GPD1L: variants seen among roughly 807,000 people sequenced by gnomAD.
The protein encoded by GPD1L is glycerol-3-phosphate dehydrogenase 1-like protein.
In GPD1L, 17 loss-of-function variants were observed where a neutral mutation model predicts 32.9. The observed-to-expected ratio is 0.52, with a 90% CI of 0.35 to 0.78. The LOEUF (loss-of-function observed/expected upper bound fraction) is 0.78, where lower values mean the gene tolerates loss of function less well. GPD1L is among the 30% of genes least tolerant of loss of function. GPD1L has a pLI of 0.01. For missense variants in GPD1L, 361 were observed against 447.8 expected (o/e 0.81, Z 1.75); for synonymous variants, 187 against 165.9 (o/e 1.13, Z -0.98).
chr3:32,121,769 A>G (rs957400714), intron 1 of GPD1L, among the ~76,000 whole-genome samples: 3 of 134,520 alleles, frequency 2.2e-5, no homozygotes, highest in Admixed American at 8.5e-5. Flanking sequence ...ATATATTTCT[A>G]TATATATATA....
intron 3 of GPD1L, 63 bp downstream of exon 3, chr3:32,138,790 A>T: frequency 6.6e-7 from 1 of 1,517,608 alleles, no homozygotes; most frequent in Non-Finnish European, 9.1e-7. Flanking sequence ...ATTTCCTCAC[A>T]CTTTCATCTG....
chr3:32,139,646 GC>G (rs1270290907), intron 3 of GPD1L, among the ~76,000 whole-genome samples: 1 of 152,190 alleles, frequency 6.6e-6, no homozygotes, highest in East Asian at 1.9e-4. Flanking sequence ...GTTCATGAAG[GC>G]AAACCAGAGC....
chr3:32,153,870 G>A (rs1009706655), intron 5 of GPD1L, among the ~76,000 whole-genome samples: 1 of 152,178 alleles, frequency 6.6e-6, no homozygotes, highest in South Asian at 2.1e-4. Context: ...ACTGGAAAGA[G>A]TACACTCAAG....
At chr3:32,158,130 G>T (rs1701020789) in intron 5 of GPD1L, among the ~76,000 whole-genome samples, 1 of 152,194 alleles carries the variant, frequency 6.6e-6, no homozygotes, top group African/African-American at 2.4e-5. Context: ...ATCTACCCCA[G>T]TGCCAGTTGA....
chr3:32,143,609 C>A (rs1700779530), intron 4 of GPD1L, among the ~76,000 whole-genome samples: 1 of 152,020 alleles, frequency 6.6e-6, no homozygotes, highest in African/African-American at 2.4e-5. Flanking sequence ...TTTGGGAGGC[C>A]AAGGTGGGAG....
chr3:32,145,044 T>C (rs912098925), intron 4 of GPD1L, among the ~76,000 whole-genome samples: 5 of 150,326 alleles, frequency 3.3e-5, no homozygotes, highest in Non-Finnish European at 7.4e-5. Flanking sequence ...GCGGGCCGGG[T>C]GCGGTGGCTC....
At chr3:32,129,521 G>A (rs1559573577) in intron 2 of GPD1L, among the ~76,000 whole-genome samples, 1 of 152,178 alleles carries the variant, frequency 6.6e-6, no homozygotes, top group African/African-American at 2.4e-5. Flanking sequence ...TGATTATATA[G>A]TGGAGGAAAC....
At chr3:32,146,203 C>T (rs1446093139) in intron 4 of GPD1L, among the ~76,000 whole-genome samples, 2 of 151,598 alleles carry the variant, frequency 1.3e-5, no homozygotes, top group African/African-American at 4.8e-5. Context: ...GCTCCTGCCT[C>T]AACCTCCTGA....
In GPD1L at chr3:32,106,913, G is replaced by T. The variant is rs1376004123; in HGVS notation, c.47+155G>T. 4.8e-5 allele frequency: 27 copies of T among 561,426 alleles called. No homozygotes were observed. The highest frequency in any genetic ancestry group is 6.9e-5 in the Non-Finnish European group (26 of 374,964). The allele number at this position is 561,426 out of a possible 1,614,324, so 34.8% of individuals were successfully genotyped here. A position where few individuals can be genotyped will look rare whatever the true frequency, so the allele number is the denominator to read the frequency against. ...CTCGTTGCTGGGCTGGGCACCGTGC[G>T]CCCGAGGAGGCCGCACCGGGGCACT... On this transcript the variant is annotated intron_variant, in intron 1 of 7. Transcript: ENST00000282541. The surrounding 1 kb of genome is among the most constrained non-coding windows in gnomAD (Gnocchi z 4.0).
At chr3:32,141,720 A>G (rs887362320) in intron 4 of GPD1L, among the ~76,000 whole-genome samples, 3 of 152,230 alleles carry the variant, frequency 2.0e-5, no homozygotes, top group African/African-American at 7.2e-5. Context: ...GAAAAGTAGA[A>G]CTAAGATTGT....
At chr3:32,114,966 G>A (rs1311214455) in intron 1 of GPD1L, among the ~76,000 whole-genome samples, 1 of 152,208 alleles carries the variant, frequency 6.6e-6, no homozygotes, top group Non-Finnish European at 1.5e-5. Flanking sequence ...AGCTCATAAA[G>A]GTAGTACAGA....
chr3:32,122,276 T>G (rs747377014), intron 1 of GPD1L, among the ~76,000 whole-genome samples: 16 of 152,204 alleles, frequency 1.1e-4, no homozygotes, highest in Non-Finnish European at 1.9e-4. Flanking sequence ...TAGCAGCAAG[T>G]GCAGGCTTTG....
chr3:32,123,959 AACC>A (rs1011676075), intron 1 of GPD1L, among the ~76,000 whole-genome samples: 4 of 152,198 alleles, frequency 2.6e-5, no homozygotes, highest in Non-Finnish European at 4.4e-5. Flanking sequence ...TTCACATGCA[AACC>A]ACCTTTGTGG....
intron 2 of GPD1L, among the ~76,000 whole-genome samples, chr3:32,133,220 C>A (rs1407594660): frequency 6.6e-6 from 1 of 152,168 alleles, no homozygotes; most frequent in Non-Finnish European, 1.5e-5. Flanking sequence ...TCATTAGGAA[C>A]CAGAATTGTT....
intron 1 of GPD1L, among the ~76,000 whole-genome samples, chr3:32,122,343 C>T (rs55973634): frequency 0.024 from 3,654 of 152,194 alleles, 145 homozygotes; most frequent in African/African-American, 0.084. Context: ...ATGACTTAGG[C>T]AATTCATTTA....
At chr3:32,157,424 A>G (rs1701009365) in intron 5 of GPD1L, among the ~76,000 whole-genome samples, 1 of 151,886 alleles carries the variant, frequency 6.6e-6, no homozygotes, top group Admixed American at 6.6e-5. Flanking sequence ...GACAAGCTCT[A>G]TGTCTTAACT....
At chr3:32,117,078 A>G (rs75710778) in intron 1 of GPD1L, among the ~76,000 whole-genome samples, 9,543 of 152,294 alleles carry the variant, frequency 0.063, 304 homozygotes, top group Middle Eastern at 0.11. Flanking sequence ...GTGGAGCTCT[A>G]CATACTTATT....
At chr3:32,128,989 G>C (rs193186465) in intron 2 of GPD1L, among the ~76,000 whole-genome samples, 1 of 152,224 alleles carries the variant, frequency 6.6e-6, no homozygotes, top group Non-Finnish European at 1.5e-5. Context: ...GTCTGGGAGA[G>C]AAAAATACAG....
intron 2 of GPD1L, among the ~76,000 whole-genome samples, chr3:32,137,905 C>G (rs191563403): frequency 6.6e-4 from 101 of 152,300 alleles, no homozygotes; most frequent in Non-Finnish European, 3.1e-4. Flanking sequence ...AGGGAATCAA[C>G]AGGGGTTGGT....
Sources: gnomAD v4.1 joint callset for allele counts (sites outside exome capture counted in the v4.1 genomes callset) on GRCh38, gnomAD v4.1.1 for gene constraint, Gnocchi (gnomAD v3.1) non-coding constraint, MANE v1.5 for transcripts, NCBI Gene and HGNC (gene_info 2026-07-23, HGNC 2026-07-21) for gene names.